The following DPP6 variants were observed in gnomAD, a reference collection of about 807,000 sequenced individuals.
DPP6 encodes the protein A-type potassium channel modulatory protein DPP6.
In DPP6, 69 loss-of-function variants were observed where a neutral mutation model predicts 122.6. The ratio of observed to expected loss-of-function variants is 0.56; its 90% CI spans 0.46 to 0.69. DPP6 has a LOEUF of 0.69. Among genes scored for constraint, DPP6 ranks in the 30% least tolerant of loss-of-function variants. DPP6 has a pLI of 0.00. For missense variants in DPP6, 928 were observed against 1,116.9 expected, an observed-to-expected ratio of 0.83 and a Z score of 2.41; for synonymous variants, 418 against 433.1, an observed-to-expected ratio of 0.97 and a Z score of 0.43.
intron 1 of DPP6, among the ~76,000 whole-genome samples, chr7:154,360,449 C>T (rs578075586): frequency 2.0e-5 from 3 of 152,304 alleles, no homozygotes; most frequent in South Asian, 4.1e-4. Flanking sequence ...ACCTCAAACC[C>T]GTACAAGATG....
intron 8 of DPP6, among the ~76,000 whole-genome samples, chr7:154,742,228 C>T (rs1175101454): frequency 1.3e-5 from 2 of 152,168 alleles, no homozygotes; most frequent in Admixed American, 6.5e-5. Flanking sequence ...TTCCATTATT[C>T]GAGTGGGATT....
In DPP6 at chr7:154,262,655, CA is replaced by C. The variant is rs200633251; in HGVS notation, c.244-183542del. Among the ~76,000 whole-genome samples the C allele has an allele frequency of 1.1e-3, 143 of 129,264 alleles. 1 individual carries two copies. The highest frequency in any genetic ancestry group is 1.9e-3 in the South Asian group (7 of 3,734). The allele number at this position is 129,264 out of a possible 152,430, so 84.8% of individuals were successfully genotyped here. A position where few individuals can be genotyped will look rare whatever the true frequency, so the allele number is the denominator to read the frequency against. On this transcript the variant is annotated intron_variant, in intron 1 of 25. Coordinates refer to ENST00000377770, the MANE Select transcript of DPP6 (RefSeq NM_130797.4). ...ATGTTAGAAAGTGTCAAATGAAGTT[CA>C]AAAAAAAAAAAAAAAAGACTAGAGA...
chr7:154,453,111 C>G (rs567679794), intron 2 of DPP6, among the ~76,000 whole-genome samples: 1 of 152,310 alleles, frequency 6.6e-6, no homozygotes, highest in South Asian at 2.1e-4. Context: ...GTGACCTTCT[C>G]CGGTGCCACA....
At chr7:154,191,844 G>C (rs995300295) in intron 1 of DPP6, among the ~76,000 whole-genome samples, 32 of 152,192 alleles carry the variant, frequency 2.1e-4, no homozygotes, top group African/African-American at 7.7e-4. Context: ...ACTTCAGGTA[G>C]TTCTGGCTAT....
intron 2 of DPP6, among the ~76,000 whole-genome samples, chr7:154,460,659 T>G (rs1046692091): frequency 6.6e-6 from 1 of 152,242 alleles, no homozygotes; most frequent in Non-Finnish European, 1.5e-5. Flanking sequence ...AGTTGGTTTT[T>G]AAAATCAAAA....
chr7:153,886,112 T>TACACACACACACAC (rs60245538), upstream of DPP6, among the ~76,000 whole-genome samples: 721 of 140,396 alleles, frequency 5.1e-3, 10 homozygotes, highest in African/African-American at 7.0e-3. Context: ...GGCACGCCCT[T>TACACACACACACAC]ACACACACAC....
intron 7 of DPP6, among the ~76,000 whole-genome samples, chr7:154,682,332 C>T (rs1188004756): frequency 6.6e-6 from 1 of 152,236 alleles, no homozygotes; most frequent in Non-Finnish European, 1.5e-5. Flanking sequence ...GGCGAAAGGA[C>T]CTGAACTTCT....
chr7:154,406,472 C>T (rs1262775881), intron 1 of DPP6, among the ~76,000 whole-genome samples: 1 of 148,806 alleles, frequency 6.7e-6, no homozygotes, highest in Non-Finnish European at 1.5e-5. Context: ...TGCACACGCA[C>T]ACGCATACAC....
chr7:154,030,804 T>C (rs1031016456), intron 1 of DPP6, among the ~76,000 whole-genome samples: 7 of 152,276 alleles, frequency 4.6e-5, no homozygotes, highest in African/African-American at 1.7e-4. Flanking sequence ...TCACACAGCC[T>C]GATCTGCTGC....
chr7:153,760,371 G>C, the DPP6 span, among the ~76,000 whole-genome samples: 1 of 152,044 alleles, frequency 6.6e-6, no homozygotes, highest in Non-Finnish European at 1.5e-5. Flanking sequence ...AGCAGCTCTG[G>C]GTCAATTTCA....
chr7:154,328,300 C>T (rs1437344810), intron 1 of DPP6, among the ~76,000 whole-genome samples: 1 of 152,138 alleles, frequency 6.6e-6, no homozygotes, highest in Non-Finnish European at 1.5e-5. Context: ...GGAGGACAGG[C>T]ATTCCAAGGC....
intron 10 of DPP6, among the ~76,000 whole-genome samples, chr7:154,792,170 T>C (rs927892110): frequency 2.6e-5 from 4 of 152,240 alleles, no homozygotes; most frequent in Admixed American, 2.6e-4. Context: ...ATGTGTTTGC[T>C]GAGAGAGTAA....
At chr7:153,817,661 C>T in the DPP6 span, among the ~76,000 whole-genome samples, 1 of 150,154 alleles carries the variant, frequency 6.7e-6, no homozygotes, top group Non-Finnish European at 1.5e-5. Flanking sequence ...AGCAAAATAT[C>T]GCAAGGACAA....
In DPP6 at chr7:154,077,518, G is replaced by A. The variant is rs532254500; in HGVS notation, c.243+24455G>A. On this transcript the variant is annotated intron_variant, in intron 1 of 25. Coordinates refer to ENST00000377770, the MANE Select transcript of DPP6 (RefSeq NM_130797.4). ...GTGCAGGATCTCTACCCATTGCAGG[G>A]TGTCCAGCCCCCTGGCCTCTACCCC... Among the ~76,000 whole-genome samples the A allele has an allele frequency of 3.9e-5, 6 of 152,254 alleles. No homozygotes were observed. The South Asian group carries it at 1.0e-3, about 26-fold the overall frequency.
At chr7:154,193,681 T>C (rs534918688) in intron 1 of DPP6, among the ~76,000 whole-genome samples, 5 of 152,082 alleles carry the variant, frequency 3.3e-5, no homozygotes, top group Non-Finnish European at 7.4e-5. Flanking sequence ...GGCTCACATA[T>C]GTGATGTCTA....
At chr7:154,255,463 C>G (rs1182409478) in intron 1 of DPP6, among the ~76,000 whole-genome samples, 3 of 152,162 alleles carry the variant, frequency 2.0e-5, no homozygotes, top group Non-Finnish European at 4.4e-5. Flanking sequence ...ACTCCCAGCA[C>G]TGGGGGAAAG....
intron 1 of DPP6, among the ~76,000 whole-genome samples, chr7:154,295,838 T>G (rs1180225460): frequency 6.6e-6 from 1 of 152,132 alleles, no homozygotes; most frequent in Admixed American, 6.5e-5. Flanking sequence ...ACATTTATAT[T>G]TAGATTCCTC....
At chr7:154,031,995 G>A (rs1264301812) in intron 1 of DPP6, among the ~76,000 whole-genome samples, 4 of 150,244 alleles carry the variant, frequency 2.7e-5, no homozygotes, top group Admixed American at 2.7e-4. Flanking sequence ...CCGAGTAGCT[G>A]GGACTACAGG....
Position 154,625,373 on chromosome 7 carries a change from A to G in DPP6, c.628-12448A>G, listed in dbSNP as rs75601265. ...AGCAGGAGAGGGAAGAAGTGGAAAG[A>G]AAGATGCTGACTTGACTGGACTCTT... On this transcript the variant is annotated intron_variant, in intron 5 of 25. Coordinates refer to ENST00000377770, the MANE Select transcript of DPP6 (RefSeq NM_130797.4). 3.3e-3 allele frequency among the ~76,000 whole-genome samples: 498 copies of G among 152,304 alleles called. 2 individuals are homozygous for G. Among genetic ancestry groups the G allele is most frequent in the African/African-American group, 0.011 (465 of 41,564 alleles).
Sources: gnomAD v4.1 joint callset for allele counts (sites outside exome capture counted in the v4.1 genomes callset) on GRCh38, gnomAD v4.1.1 for gene constraint, MANE v1.5 for transcripts, NCBI Gene and HGNC (gene_info 2026-07-23, HGNC 2026-07-21) for gene names.